The following MYPN variants were observed in gnomAD, a reference collection of about 807,000 sequenced individuals.
MYPN encodes the protein myopalladin.
In MYPN, 63 loss-of-function variants were observed where a neutral mutation model predicts 129.4. The ratio of observed to expected loss-of-function variants is 0.49; its 90% CI spans 0.40 to 0.60. The LOEUF is 0.60. Ranked by LOEUF, MYPN falls within the 20% of genes least tolerant of loss-of-function variation. MYPN has a pLI of 0.00. For synonymous variants in MYPN, 629 were observed against 600.9 expected (o/e 1.05, Z -0.68); for missense variants, 1,596 against 1,635.4 (o/e 0.98, Z 0.42).
Position 68,211,589 on chromosome 10 carries a change from T to G in MYPN, c.*1134T>G. 1 of 454,088 alleles carries G rather than the reference T, an allele frequency of 2.2e-6. No individual in the cohort carries two copies. The highest frequency in any genetic ancestry group is 4.4e-6 in the Non-Finnish European group (1 of 226,782). The allele number at this position is 454,088 out of a possible 1,614,324, so 28.1% of individuals were successfully genotyped here. ...ATGCATCTTTATTCTAATCACCAAT[T>G]CAAACCCTGCCTCTTAAGGAATTTT... On this transcript the variant is annotated 3_prime_UTR_variant, in exon 20 of 20. Transcript: ENST00000358913.
chr10:68,108,958 T>C (rs1291200634), upstream of MYPN, among the ~76,000 whole-genome samples: 3 of 152,162 alleles, frequency 2.0e-5, no homozygotes, highest in Non-Finnish European at 4.4e-5. Context: ...TGACCTCAGG[T>C]GATCTGCCCA....
chr10:68,197,171 A>C (rs1203030121), intron 15 of MYPN, among the ~76,000 whole-genome samples, 181 bp from the exon 16 acceptor site: 3 of 151,836 alleles, frequency 2.0e-5, no homozygotes, highest in Non-Finnish European at 2.9e-5. Context: ...TGAGATACTT[A>C]CCACTTTGTG....
rs756823228 is a variant in MYPN, at chr10:68,121,733, C to T, written c.295C>T (p.Arg99Ter). The change falls in exon 2 of 20, where the codon CGA (arginine) becomes TGA (stop). Residue 99 changes from arginine (R) to a stop codon, truncating the protein, a stop_gained. Coordinates refer to ENST00000358913, the MANE Select transcript of MYPN (RefSeq NM_032578.4). LOFTEE classifies it high-confidence loss of function. The stretch of plus-strand genomic sequence containing the variant: ...GGCAGATGAAACTCAAGCTAGAAAA[C>T]GACTTTCTCCTGATCAGATGAAACA... The part of the protein sequence containing the change: ...EKADETQARK[R>*]LSPDQMKHSP... 9 of 1,614,180 alleles carry T rather than the reference C, an allele frequency of 5.6e-6. No homozygotes were observed. The highest frequency in any genetic ancestry group is 3.3e-5 in the Admixed American group (2 of 60,024).
chr10:68,122,761 G>A (rs2042265257), intron 2 of MYPN, among the ~76,000 whole-genome samples: 1 of 151,968 alleles, frequency 6.6e-6, no homozygotes, highest in Non-Finnish European at 1.5e-5. Flanking sequence ...AATTAGCCGG[G>A]CGTGGTGGTA....
chr10:68,163,348 T>C (rs926071408), intron 8 of MYPN, among the ~76,000 whole-genome samples: 2 of 151,856 alleles, frequency 1.3e-5, no homozygotes, highest in African/African-American at 2.4e-5. Context: ...CTATAGCAGC[T>C]GGGTGCGGTG....
intron 10 of MYPN, among the ~76,000 whole-genome samples, chr10:68,172,543 T>TA (rs2043159103): frequency 6.6e-6 from 1 of 152,136 alleles, no homozygotes; most frequent in South Asian, 2.1e-4. Context: ...CTTTCTTTGT[T>TA]AAAAAATAAC....
chr10:68,109,221 G>T (rs2042048211), upstream of MYPN: 1 of 170,810 alleles, frequency 5.9e-6, no homozygotes, highest in Non-Finnish European at 1.3e-5. Flanking sequence ...TTAAAATGAA[G>T]AGTTTTCATA....
intron 1 of MYPN, among the ~76,000 whole-genome samples, chr10:68,117,780 AAAT>A (rs1256206404): frequency 6.6e-6 from 1 of 151,082 alleles, no homozygotes; most frequent in African/African-American, 2.4e-5. Flanking sequence ...CATAGCTGTT[AAAT>A]AATAATAATA....
intron 2 of MYPN, among the ~76,000 whole-genome samples, chr10:68,133,799 C>A (rs932529606): frequency 1.3e-5 from 2 of 151,122 alleles, no homozygotes; most frequent in Non-Finnish European, 2.9e-5. Context: ...CCAGAGCAGC[C>A]AATGTGTGCT....
At chr10:68,165,530 G>C in intron 8 of MYPN, 172 bp from the exon 9 acceptor site, 1 of 694,410 alleles carries the variant, frequency 1.4e-6, no homozygotes, top group Non-Finnish European at 2.6e-6. Flanking sequence ...GACTCATTTT[G>C]CCTACTAATC....
chr10:68,205,289 T>C (rs1188350429), intron 18 of MYPN, among the ~76,000 whole-genome samples: 1 of 152,110 alleles, frequency 6.6e-6, no homozygotes, highest in Non-Finnish European at 1.5e-5. Context: ...TCCCACGACA[T>C]TACTCTAGCA....
chr10:68,140,482 A>C (rs2042559314), intron 2 of MYPN, among the ~76,000 whole-genome samples: 1 of 151,942 alleles, frequency 6.6e-6, no homozygotes, highest in African/African-American at 2.4e-5. Flanking sequence ...GTGTATAATC[A>C]GGTATTTGCA....
At chr10:68,141,344 G>A (rs2042575828) in intron 2 of MYPN, among the ~76,000 whole-genome samples, 1 of 151,426 alleles carries the variant, frequency 6.6e-6, no homozygotes, top group South Asian at 2.1e-4. Context: ...ACTCCAATCT[G>A]GTGACAGAGC....
chr10:68,168,175 G>A (rs7913516), intron 10 of MYPN, among the ~76,000 whole-genome samples: 60,755 of 152,010 alleles, frequency 0.4, 13,918 homozygotes, highest in Non-Finnish European at 0.52. Flanking sequence ...AACTAAATCA[G>A]TCTCAGCCCC....
rs144822514 is a variant in MYPN, at chr10:68,174,197, C to T, written c.2105C>T (p.Ala702Val). 1.9e-5 allele frequency: 30 copies of T among 1,613,908 alleles called. No individual in the cohort carries two copies. The highest frequency in any genetic ancestry group is 3.3e-4 in the Middle Eastern group (2 of 6,084). ...MTVLNSNAPP[A>V]VTTSSKQVKA... ...GTTTTGAACTCCAATGCTCCCCCAG[C>T]GGTGACAACATCCAGTAAGCAGGTG... The change falls in exon 11 of 20, where the codon GCG (alanine) becomes GTG (valine). Residue 702 changes from alanine to valine, a missense_variant. Transcript: ENST00000358913.
chr10:68,109,699 A>T lies in MYPN; in HGVS notation c.-26A>T. The T allele has an allele frequency of 2.2e-6, 1 of 453,974 alleles. No individual in the cohort carries two copies. Among genetic ancestry groups the T allele is most frequent in the Non-Finnish European group, 4.4e-6 (1 of 226,702 alleles). 28.1% of individuals were successfully genotyped at this position (453,974 alleles called of 1,614,324 possible). A position where few individuals can be genotyped will look rare whatever the true frequency, so the allele number is the denominator to read the frequency against. On this transcript the variant is annotated 5_prime_UTR_variant, in exon 1 of 20. Coordinates refer to ENST00000358913, the MANE Select transcript of MYPN (RefSeq NM_032578.4). ...TGGAGTGCCTGGATTGGACATCCTC[A>T]TCTGGGTCAACTAAAAAAAGAAAGG... is the stretch of plus-strand genomic sequence containing the variant.
rs1311811996 is a variant in MYPN at position 68,208,522 on chromosome 10, T to A, written c.3793+1619T>A. On this transcript the variant is annotated intron_variant, in intron 19 of 19. Transcript: ENST00000358913. The stretch of plus-strand genomic sequence containing the variant: ...ATGTTCCTTAATCAAGGCTCAGTCC[T>A]TAACCATTTCCCAGTCTTCACCAAG... Among the ~76,000 whole-genome samples, 5 of 152,166 alleles carry A rather than the reference T, an allele frequency of 3.3e-5. No individual in the cohort carries two copies. In the East Asian group the frequency reaches 9.6e-4, roughly 29 times the overall value.
chr10:68,137,550 C>T (rs2042506289), intron 2 of MYPN, among the ~76,000 whole-genome samples: 1 of 152,096 alleles, frequency 6.6e-6, no homozygotes. Flanking sequence ...CATTGGTCAT[C>T]AGGAAAATTA....
At chr10:68,090,447 G>A (rs2041925817) in intron 1 of MYPN, among the ~76,000 whole-genome samples, 2 of 152,286 alleles carry the variant, frequency 1.3e-5, no homozygotes, top group Non-Finnish European at 2.9e-5. Flanking sequence ...TTACAGGCGT[G>A]AGCCACCGCG....
Sources: gnomAD v4.1 joint callset for allele counts (sites outside exome capture counted in the v4.1 genomes callset) on GRCh38, gnomAD v4.1.1 for gene constraint, MANE v1.5 for transcripts, NCBI Gene and HGNC (gene_info 2026-07-23, HGNC 2026-07-21) for gene names.